Variants in PLXNC1 observed in about 807,000 individuals in gnomAD.
PLXNC1 encodes the protein plexin-C1.
Under a neutral mutation model 178.2 loss-of-function variants are expected in PLXNC1, and 75 were observed. That is an observed-to-expected ratio of 0.42 (90% CI 0.35 to 0.51). PLXNC1 has a LOEUF of 0.51. PLXNC1 is among the 20% of genes least tolerant of loss of function. The pLI, the probability that PLXNC1 is intolerant of heterozygous loss-of-function variation, is 0.02. For missense variants in PLXNC1, 1,503 were observed against 1,984.4 expected, an observed-to-expected ratio of 0.76 and a Z score of 4.61; for synonymous variants, 790 against 779.9, an observed-to-expected ratio of 1.01 and a Z score of -0.22.
At chr12:94,186,120 G>A in intron 3 of PLXNC1, 1 of 367,516 alleles carries the variant, frequency 2.7e-6, no homozygotes, top group South Asian at 4.0e-5. Context: ...CAACTTCCTA[G>A]GCTCTGCCCC....
chr12:94,253,381 A>G (rs904905666), intron 15 of PLXNC1, among the ~76,000 whole-genome samples: 1 of 152,140 alleles, frequency 6.6e-6, no homozygotes, highest in Admixed American at 6.5e-5. Context: ...TTCATTGAGC[A>G]CCTGTTATGT....
intron 30 of PLXNC1, among the ~76,000 whole-genome samples, chr12:94,304,484 T>C (rs1412494552): frequency 6.6e-6 from 1 of 152,222 alleles, no homozygotes; most frequent in Non-Finnish European, 1.5e-5. Flanking sequence ...TAAACCATTC[T>C]CCTTTATGAT....
intron 27 of PLXNC1, among the ~76,000 whole-genome samples, chr12:94,300,389 A>C (rs112953171): frequency 1.3e-5 from 2 of 152,344 alleles, no homozygotes; most frequent in African/African-American, 4.8e-5. Context: ...CGCCAAGAGC[A>C]CAAGTTGTGA....
At chr12:94,217,576 C>T (rs549236721) in intron 5 of PLXNC1, among the ~76,000 whole-genome samples, 1 of 152,332 alleles carries the variant, frequency 6.6e-6, no homozygotes, top group East Asian at 1.9e-4. Flanking sequence ...CCATCTGCCT[C>T]TCCATCAGTA....
At chr12:94,285,317 G>A (rs1023786245) in intron 23 of PLXNC1, among the ~76,000 whole-genome samples, 13 of 152,204 alleles carry the variant, frequency 8.5e-5, no homozygotes, top group African/African-American at 2.9e-4. Context: ...GACTGTTCCC[G>A]AGCAGAGCTT....
At position 94,299,760 on chromosome 12, in the gene PLXNC1, A is replaced by G. The variant is rs565512812; in HGVS notation, c.4238+965A>G. 4.6e-5 allele frequency among the ~76,000 whole-genome samples: 7 copies of G among 152,162 alleles called. No homozygotes were observed. The East Asian group carries it at 1.2e-3, about 25-fold the overall frequency. On this transcript the variant is annotated intron_variant, in intron 27 of 30. Transcript: ENST00000258526. The stretch of plus-strand genomic sequence containing the variant: ...ACTTTTTGTGAGATGAGGTCTCACT[A>G]CACTGCCCAGGCTGGTCTCAAACTC...
intron 4 of PLXNC1, among the ~76,000 whole-genome samples, chr12:94,188,226 G>A (rs999309945): frequency 6.6e-6 from 1 of 151,906 alleles, no homozygotes; most frequent in African/African-American, 2.4e-5. Context: ...CCTTAAGAAG[G>A]GACAGCTTAG....
intron 4 of PLXNC1, among the ~76,000 whole-genome samples, chr12:94,192,246 T>C (rs919185488): frequency 1.4e-4 from 22 of 152,316 alleles, no homozygotes; most frequent in Admixed American, 3.3e-4. Context: ...GATGCCATTC[T>C]TGGCTTTAAG....
In PLXNC1 at chr12:94,297,432, A is replaced by C; in HGVS notation, c.4074+9A>C. On this transcript the variant is annotated intron_variant, in intron 26 of 30. Coordinates refer to ENST00000258526, the MANE Select transcript of PLXNC1 (RefSeq NM_005761.3). ...AGCTGCTGTCGACCAAGGTACACTTACTGTTCTGGGAGCACTTTATGGCTA... is the reference window on the plus strand; with the variant it reads ...AGCTGCTGTCGACCAAGGTACACTTCCTGTTCTGGGAGCACTTTATGGCTA... 1 of 1,596,858 alleles carries C rather than the reference A, an allele frequency of 6.3e-7. No homozygotes were observed. Among genetic ancestry groups the C allele is most frequent in the Non-Finnish European group, 8.6e-7 (1 of 1,165,478 alleles).
In PLXNC1 at chr12:94,259,714, G is replaced by C; in HGVS notation, c.3231G>C (p.Lys1077Asn). The C allele has an allele frequency of 1.2e-6, 2 of 1,609,658 alleles. No individual in the cohort carries two copies. The highest frequency in any genetic ancestry group is 1.7e-6 in the Non-Finnish European group (2 of 1,178,360). The change falls in exon 19 of 31, where the codon AAG becomes AAC. Residue 1077 changes from lysine to asparagine, a missense_variant. By Grantham distance (94) the Lys-to-Asn change is moderately conservative. This residue lies in a region of PLXNC1 where 639 missense variants were observed against 979.7 expected (regional missense o/e 0.65). Coordinates refer to ENST00000258526, the MANE Select transcript of PLXNC1 (RefSeq NM_005761.3). The stretch of plus-strand genomic sequence containing the variant: ...TCATCCACACCCTTGAAAAGCAGAA[G>C]AACTTTTCTGTGAAGGACAGGTATT... ...VTVIHTLEKQ[K>N]NFSVKDRCLF...
At chr12:94,259,143 C>T (rs2136079676) in intron 17 of PLXNC1, among the ~76,000 whole-genome samples, 194 bp from the exon 18 acceptor site, 1 of 152,284 alleles carries the variant, frequency 6.6e-6, no homozygotes, top group East Asian at 1.9e-4. Flanking sequence ...TTTCGGAATT[C>T]AGTGGCGTTT....
intron 1 of PLXNC1, among the ~76,000 whole-genome samples, chr12:94,166,452 A>G (rs1190156329): frequency 6.6e-6 from 1 of 152,178 alleles, no homozygotes. Context: ...TCTCTATGCT[A>G]TACTGCCTTC....
chr12:94,290,842 T>A (rs17242883), intron 23 of PLXNC1, among the ~76,000 whole-genome samples: 9,399 of 152,266 alleles, frequency 0.062, 355 homozygotes, highest in Admixed American at 0.09. Flanking sequence ...GAAAAGTCAC[T>A]TAGCTGATAA....
intron 3 of PLXNC1, among the ~76,000 whole-genome samples, chr12:94,184,895 C>T (rs917261832): frequency 5.9e-5 from 9 of 152,150 alleles, no homozygotes; most frequent in African/African-American, 2.2e-4. Flanking sequence ...TCAAAGGCTC[C>T]GAGAAGCCCT....
intron 28 of PLXNC1, 71 bp from the exon 29 acceptor site, chr12:94,303,685 T>G: frequency 7.8e-7 from 1 of 1,274,678 alleles, no homozygotes; most frequent in South Asian, 1.6e-5. Flanking sequence ...TATTATAAAT[T>G]CCTCCATCTT....
chr12:94,285,010 G>T (rs1966743037), intron 23 of PLXNC1, among the ~76,000 whole-genome samples: 1 of 152,190 alleles, frequency 6.6e-6, no homozygotes, highest in South Asian at 2.1e-4. Flanking sequence ...AGTGGCTCTG[G>T]ACAGACACAG....
intron 23 of PLXNC1, among the ~76,000 whole-genome samples, chr12:94,288,796 C>T (rs1395120051): frequency 6.6e-6 from 1 of 152,202 alleles, no homozygotes; most frequent in Admixed American, 6.5e-5. Flanking sequence ...CACGTGGCTG[C>T]TGGGACAGCA....
Position 94,251,473 on chromosome 12 carries a change from T to A in PLXNC1, c.2826T>A (p.Pro942=), listed in dbSNP as rs1189400015. 6.2e-7 allele frequency: 1 copy of A among 1,613,798 alleles called. No individual in the cohort carries two copies. Among genetic ancestry groups the A allele is most frequent in the Admixed American group, 1.7e-5 (1 of 60,034 alleles). Reference sequence around the variant, plus strand: ...TCTACGTCGAGCAGGAGTCAGTTCCTTCCACATGGTATTTTCTGATTGTGC... The same window carrying A: ...TCTACGTCGAGCAGGAGTCAGTTCCATCCACATGGTATTTTCTGATTGTGC... ...LELYVEQESV[P]STWYFLIVLP... is the part of the protein sequence containing the mutation. The change falls in exon 15 of 31, where the codon CCT becomes CCA. Residue 942 remains proline (P), a synonymous_variant. Coordinates refer to ENST00000258526, the MANE Select transcript of PLXNC1 (RefSeq NM_005761.3).
intron 23 of PLXNC1, among the ~76,000 whole-genome samples, chr12:94,288,341 TCCAA>T (rs751355998): frequency 4.0e-4 from 61 of 152,236 alleles, no homozygotes; most frequent in Middle Eastern, 3.4e-3. Flanking sequence ...CTCTGACAAC[TCCAA>T]CCCAACAGGA....
Sources: gnomAD v4.1 joint callset for allele counts (sites outside exome capture counted in the v4.1 genomes callset) on GRCh38, gnomAD v4.1.1 for gene constraint, gnomAD v4.1.1 regional missense constraint, MANE v1.5 for transcripts, NCBI Gene and HGNC (gene_info 2026-07-23, HGNC 2026-07-21) for gene names.